COG7: variants seen among roughly 807,000 people sequenced by gnomAD.
COG7 encodes conserved oligomeric Golgi complex subunit 7.
COG7 carries 49 observed loss-of-function variants against 91.5 expected under a neutral mutation model. The ratio of observed to expected loss-of-function variants is 0.54; its 90% CI spans 0.43 to 0.68. The LOEUF (loss-of-function observed/expected upper bound fraction) is 0.68, where lower values mean the gene tolerates loss of function less well. Among genes scored for constraint, COG7 ranks in the 30% least tolerant of loss-of-function variants. The probability of loss-of-function intolerance (pLI) is 0.00; values close to 1 mark genes in which losing one functional copy is unlikely to be tolerated. For missense variants in COG7, 895 were observed against 961.3 expected, an observed-to-expected ratio of 0.93 and a Z score of 0.91; for synonymous variants, 365 against 388.7, an observed-to-expected ratio of 0.94 and a Z score of 0.72.
At position 23,453,043 on chromosome 16, in the gene COG7, G is replaced by A. The variant is rs755818595; in HGVS notation, c.-49C>T. ...GTCCAGAACTTAAGAGTTGGCTCCG[G>A]GCGGCAACGGGGATGCAGAAGCGAG... is the stretch of plus-strand genomic sequence containing the variant. On this transcript the variant is annotated 5_prime_UTR_variant, in exon 1 of 17. Transcript: ENST00000307149. 9.3e-6 allele frequency: 15 copies of A among 1,611,034 alleles called. No individual in the cohort carries two copies. Among genetic ancestry groups the A allele is most frequent in the Non-Finnish European group, 1.1e-5 (13 of 1,178,310 alleles).
At chr16:23,400,527 G>T (rs1313174604) in intron 13 of COG7, among the ~76,000 whole-genome samples, 1 of 152,194 alleles carries the variant, frequency 6.6e-6, no homozygotes, top group Non-Finnish European at 1.5e-5. Context: ...ACTGCAGCCT[G>T]GAGGCCCCAG....
chr16:23,397,957 T>G, intron 14 of COG7, 89 bp downstream of exon 14: 5 of 1,129,080 alleles, frequency 4.4e-6, no homozygotes, highest in Non-Finnish European at 6.7e-6. Context: ...ATAGCACCCA[T>G]GGGGAAATGA....
chr16:23,440,835 G>A (rs954914210), intron 4 of COG7, among the ~76,000 whole-genome samples: 2 of 152,078 alleles, frequency 1.3e-5, no homozygotes, highest in Non-Finnish European at 2.9e-5. Flanking sequence ...CAGAGTCATG[G>A]ATTCACGCTG....
chr16:23,413,788 T>G (rs576776155), intron 9 of COG7: 97 of 481,140 alleles, frequency 2.0e-4, no homozygotes, highest in Non-Finnish European at 3.4e-4. Context: ...CTAAAAGAGA[T>G]GCCCAAGAGG....
chr16:23,432,702 T>C (rs1387845311), intron 6 of COG7, among the ~76,000 whole-genome samples: 1 of 152,272 alleles, frequency 6.6e-6, no homozygotes, highest in African/African-American at 2.4e-5. Flanking sequence ...AAGTAAATGA[T>C]GGATAGTTGC....
rs928852966 is a variant in COG7, at chr16:23,413,433, C to T, written c.1409+15G>A. Reference sequence around the variant, plus strand: ...CTACATTAGGAACAAGCTTGAATTACAACCCCCGGTTTACCTAATGGAGTT... The same window carrying T: ...CTACATTAGGAACAAGCTTGAATTATAACCCCCGGTTTACCTAATGGAGTT... On this transcript the variant is annotated intron_variant, in intron 10 of 16. Coordinates refer to ENST00000307149, the MANE Select transcript of COG7 (RefSeq NM_153603.4). 12 of 1,269,400 alleles carry T rather than the reference C, an allele frequency of 9.5e-6. No homozygotes were observed. Among genetic ancestry groups the T allele is most frequent in the East Asian group, 2.3e-5 (1 of 43,302 alleles). 78.6% of individuals were successfully genotyped at this position (1,269,400 alleles called of 1,614,324 possible).
intron 14 of COG7, 41 bp from the exon 15 acceptor site, chr16:23,393,388 T>C: frequency 6.9e-7 from 1 of 1,442,334 alleles, no homozygotes; most frequent in South Asian, 1.1e-5. Flanking sequence ...CATTGACACA[T>C]ACGGGTTATT....
intron 10 of COG7, chr16:23,412,230 G>C (rs969095916): frequency 6.6e-6 from 1 of 152,158 alleles, no homozygotes; most frequent in African/African-American, 2.4e-5. Flanking sequence ...AGTGGTCTGA[G>C]AGCCTAATCG....
intron 4 of COG7, among the ~76,000 whole-genome samples, chr16:23,435,974 C>T (rs1223505538): frequency 6.6e-6 from 1 of 152,116 alleles, no homozygotes; most frequent in Non-Finnish European, 1.5e-5. Context: ...TGGTGGCTCA[C>T]ACCTGTAATC....
chr16:23,420,778 C>T (rs1403060419), intron 7 of COG7, among the ~76,000 whole-genome samples: 1 of 152,094 alleles, frequency 6.6e-6, no homozygotes, highest in African/African-American at 2.4e-5. Context: ...GGATCTCACT[C>T]AGTTCCCCAG....
At chr16:23,391,197 G>A (rs1392960170) in intron 16 of COG7, among the ~76,000 whole-genome samples, 1 of 152,190 alleles carries the variant, frequency 6.6e-6, no homozygotes, top group Non-Finnish European at 1.5e-5. Flanking sequence ...AGATGCTCGA[G>A]CAATGCTGAA....
At chr16:23,402,498 G>A (rs1421701609) in intron 13 of COG7, among the ~76,000 whole-genome samples, 1 of 152,086 alleles carries the variant, frequency 6.6e-6, no homozygotes, top group African/African-American at 2.4e-5. Context: ...TCTACTCTGT[G>A]GCCAGTGCTA....
intron 1 of COG7, among the ~76,000 whole-genome samples, chr16:23,449,380 TTAAAATAAAA>T (rs373494185): frequency 0.049 from 6,635 of 134,668 alleles, 221 homozygotes; most frequent in Admixed American, 0.078. Context: ...TAAAATTAAA[TTAAAATAAAA>T]TAAAATAAAA....
intron 5 of COG7, among the ~76,000 whole-genome samples, chr16:23,434,239 A>T (rs1417124198): frequency 3.9e-5 from 6 of 152,168 alleles, no homozygotes. Flanking sequence ...CGGATCTGTG[A>T]ATAGTCACCG....
At chr16:23,403,329 A>G (rs993017682) in intron 13 of COG7, among the ~76,000 whole-genome samples, 6 of 152,340 alleles carry the variant, frequency 3.9e-5, no homozygotes, top group Non-Finnish European at 7.3e-5. Flanking sequence ...TTCTCCAGAA[A>G]TGATTCGTGT....
At chr16:23,404,186 G>A (rs1020518195) in intron 12 of COG7, among the ~76,000 whole-genome samples, 3 of 152,202 alleles carry the variant, frequency 2.0e-5, no homozygotes, top group Admixed American at 1.3e-4. Context: ...GTGGGAAAGA[G>A]GGGGGAAACA....
At position 23,441,647 on chromosome 16, in the gene COG7, G is replaced by A. The variant is rs116776514; in HGVS notation, c.604+830C>T. Among the ~76,000 whole-genome samples, 616 of 152,248 alleles carry A rather than the reference G, an allele frequency of 4.0e-3. 1 individual carries two copies. The highest frequency in any genetic ancestry group is 0.014 in the African/African-American group (566 of 41,532). ...ACGAGTGGGCTTTTGTGCCACAACT[G>A]CAGAGGTATCTGTGAGAGAGACCAC... On this transcript the variant is annotated intron_variant, in intron 4 of 16. Coordinates refer to ENST00000307149, the MANE Select transcript of COG7 (RefSeq NM_153603.4).
chr16:23,418,591 G>T, intron 8 of COG7, 109 bp downstream of exon 8: 1 of 921,910 alleles, frequency 1.1e-6, no homozygotes, highest in South Asian at 1.4e-5. Context: ...AGTGCTTAAA[G>T]GTCATATTTC....
chr16:23,448,557 C>T (rs1322372750), intron 1 of COG7, among the ~76,000 whole-genome samples: 1 of 152,046 alleles, frequency 6.6e-6, no homozygotes, highest in Non-Finnish European at 1.5e-5. Context: ...AGCAATCCTC[C>T]CACTTCAGCT....
Sources: allele counts gnomAD v4.1 joint callset (sites outside exome capture counted in the v4.1 genomes callset), GRCh38; gene constraint gnomAD v4.1.1; transcripts MANE v1.5; gene names NCBI Gene and HGNC (gene_info 2026-07-23, HGNC 2026-07-21).